Variants in ERO1B observed in about 807,000 individuals in gnomAD.
ERO1B encodes the protein ERO1-like protein beta.
In ERO1B, 49 loss-of-function variants were observed where a neutral mutation model predicts 75.3. The observed-to-expected ratio is 0.65, with a 90% CI of 0.52 to 0.83. The LOEUF is 0.83. Among genes scored for constraint, ERO1B ranks in the 40% least tolerant of loss-of-function variants. ERO1B has a pLI of 0.00. For synonymous variants in ERO1B, 191 were observed against 192.9 expected, an observed-to-expected ratio of 0.99 and a Z score of 0.08; for missense variants, 512 against 560.1, an observed-to-expected ratio of 0.91 and a Z score of 0.87.
intron 2 of ERO1B, among the ~76,000 whole-genome samples, chr1:236,255,089 T>C (rs1191198959): frequency 4.4e-5 from 6 of 135,752 alleles, no homozygotes; most frequent in Non-Finnish European, 8.0e-5. Flanking sequence ...CCTGGCTAAT[T>C]TTTTTTTTCT....
intron 1 of ERO1B, among the ~76,000 whole-genome samples, chr1:236,279,194 A>T (rs1665768586): frequency 6.6e-6 from 1 of 152,216 alleles, no homozygotes; most frequent in South Asian, 2.1e-4. Flanking sequence ...CATGTTATAG[A>T]TTAAAGTACT....
chr1:236,230,281 T>C (rs774560554), intron 9 of ERO1B, 31 bp from the exon 10 acceptor site: 42 of 1,543,280 alleles, frequency 2.7e-5, no homozygotes, highest in Admixed American at 6.8e-5. Context: ...GATTAAAACA[T>C]TATATGGTCA....
At chr1:236,271,745 T>C (rs1277511233) in intron 1 of ERO1B, among the ~76,000 whole-genome samples, 1 of 152,032 alleles carries the variant, frequency 6.6e-6, no homozygotes, top group African/African-American at 2.4e-5. Flanking sequence ...TACCTCCCTC[T>C]CCCTAAAGGT....
intron 10 of ERO1B, among the ~76,000 whole-genome samples, chr1:236,228,018 C>G (rs1329629965): frequency 6.6e-6 from 1 of 152,120 alleles, no homozygotes; most frequent in African/African-American, 2.4e-5. Flanking sequence ...TCTACTAAAA[C>G]TTTTCATCAG....
intron 15 of ERO1B, among the ~76,000 whole-genome samples, chr1:236,219,002 C>T (rs1664070680): frequency 6.6e-6 from 1 of 152,038 alleles, no homozygotes; most frequent in South Asian, 2.1e-4. Context: ...GTGCCCCATA[C>T]CCATTGATGC....
intron 2 of ERO1B, among the ~76,000 whole-genome samples, chr1:236,255,376 G>A (rs1050850591): frequency 6.6e-6 from 1 of 152,136 alleles, no homozygotes; most frequent in African/African-American, 2.4e-5. Context: ...GCTTGCTAAA[G>A]TAGTGCTCAG....
intron 5 of ERO1B, among the ~76,000 whole-genome samples, chr1:236,244,515 A>C (rs1354378367): frequency 6.6e-6 from 1 of 152,218 alleles, no homozygotes; most frequent in Non-Finnish European, 1.5e-5. Flanking sequence ...TTACAGCTAA[A>C]ATGACGTTAA....
chr1:236,240,055 C>CCA (rs1253346620), intron 6 of ERO1B, among the ~76,000 whole-genome samples: 2 of 151,326 alleles, frequency 1.3e-5, no homozygotes, highest in African/African-American at 4.9e-5. Context: ...CAGACATGTA[C>CCA]CACCACGCCT....
rs1454109988 is a variant in ERO1B at position 236,215,478 on chromosome 1, CTCCACAGGTTACAA to C, written c.*3024_*3037del. 1 of 152,182 alleles carries C rather than the reference CTCCACAGGTTACAA, an allele frequency of 6.6e-6. No homozygotes were observed. The highest frequency in any genetic ancestry group is 1.5e-5 in the Non-Finnish European group (1 of 68,028). The allele number at this position is 152,182 out of a possible 1,614,324, so 9.4% of individuals were successfully genotyped here. A position where few individuals can be genotyped will look rare whatever the true frequency, so the allele number is the denominator to read the frequency against. ...TACTTATAAATACATTTTCTCCCTT[CTCCACAGGTTACAA>C]TCAAATTCTCATGCCATAAAAAGAA... is the stretch of plus-strand genomic sequence containing the variant. On this transcript the variant is annotated 3_prime_UTR_variant, in exon 16 of 16. Coordinates refer to ENST00000354619, the MANE Select transcript of ERO1B (RefSeq NM_019891.4).
At chr1:236,257,805 C>G (rs1012152773) in intron 2 of ERO1B, among the ~76,000 whole-genome samples, 48 of 150,790 alleles carry the variant, frequency 3.2e-4, no homozygotes, top group Admixed American at 2.8e-3. Flanking sequence ...AGGGGTCCAA[C>G]AGCAGACTAG....
chr1:236,241,539 T>A (rs1042134497), intron 6 of ERO1B, among the ~76,000 whole-genome samples: 1 of 140,558 alleles, frequency 7.1e-6, no homozygotes, highest in Non-Finnish European at 1.5e-5. Context: ...TGAGACTCCA[T>A]CTCAAAACAA....
At chr1:236,258,826 T>A (rs1475859664) in intron 2 of ERO1B, among the ~76,000 whole-genome samples, 3 of 152,152 alleles carry the variant, frequency 2.0e-5, no homozygotes, top group East Asian at 1.9e-4. Context: ...GAGGCGGACG[T>A]TGCAGTGAGC....
chr1:236,281,824 G>A lies in ERO1B; in HGVS notation c.-41C>T, dbSNP rs1308058615. On this transcript the variant is annotated 5_prime_UTR_variant, in exon 1 of 16. Coordinates refer to ENST00000354619, the MANE Select transcript of ERO1B (RefSeq NM_019891.4). ...CACCGCGGCCAGCCGGACCCCTCGG[G>A]GCCGGGGAACGACGGGCGGCCCAGG... 1 of 1,344,982 alleles carries A rather than the reference G, an allele frequency of 7.4e-7. No homozygotes were observed. The highest frequency in any genetic ancestry group is 9.7e-7 in the Non-Finnish European group (1 of 1,035,354). The allele number at this position is 1,344,982 out of a possible 1,614,324, so 83.3% of individuals were successfully genotyped here.
chr1:236,275,037 C>T (rs1163287900), intron 1 of ERO1B, among the ~76,000 whole-genome samples: 3 of 152,056 alleles, frequency 2.0e-5, no homozygotes, highest in African/African-American at 7.3e-5. Context: ...GTAAGCTTGC[C>T]CCATGTTTTT....
chr1:236,252,295 T>C (rs1665048966), intron 3 of ERO1B, among the ~76,000 whole-genome samples: 2 of 152,256 alleles, frequency 1.3e-5, no homozygotes, highest in South Asian at 4.1e-4. Flanking sequence ...AATCAAAGTA[T>C]AGAAAACTGA....
chr1:236,259,037 A>G (rs755584268), intron 2 of ERO1B, among the ~76,000 whole-genome samples: 1 of 152,256 alleles, frequency 6.6e-6, no homozygotes, highest in Non-Finnish European at 1.5e-5. Flanking sequence ...TTAAAAATAA[A>G]TAACTATAGC....
At chr1:236,251,107 T>A (rs1177180377) in intron 4 of ERO1B, among the ~76,000 whole-genome samples, 2 of 151,874 alleles carry the variant, frequency 1.3e-5, no homozygotes, top group Non-Finnish European at 2.9e-5. Context: ...AATCCACATA[T>A]ACCAACAGAG....
intron 13 of ERO1B, among the ~76,000 whole-genome samples, chr1:236,222,891 T>A (rs1488495178): frequency 6.6e-6 from 1 of 152,110 alleles, no homozygotes; most frequent in Non-Finnish European, 1.5e-5. Flanking sequence ...GCTTACTGGA[T>A]CCCTCTATTT....
At chr1:236,227,258 T>C (rs1458856550) in intron 10 of ERO1B, among the ~76,000 whole-genome samples, 1 of 150,106 alleles carries the variant, frequency 6.7e-6, no homozygotes, top group East Asian at 2.3e-4. Context: ...TTTCAACTAA[T>C]TAAAAAAAGA....
Sources: allele counts gnomAD v4.1 joint callset (sites outside exome capture counted in the v4.1 genomes callset), GRCh38; gene constraint gnomAD v4.1.1; transcripts MANE v1.5; gene names NCBI Gene and HGNC (gene_info 2026-07-23, HGNC 2026-07-21).